Variants in YY1AP1 observed in about 807,000 individuals in gnomAD.
YY1AP1 encodes the protein YY1 associated protein 1, also known as YY1-associated protein 1.
A neutral mutation model predicts 39.9 loss-of-function variants in YY1AP1; 43 were observed. The observed-to-expected ratio is 1.08, with a 90% CI of 0.84 to 1.39. The LOEUF is 1.39. Ranked by LOEUF, YY1AP1 falls within the 40% of genes most tolerant of loss-of-function variation. The probability of loss-of-function intolerance (pLI) is 0.00; values close to 1 mark genes in which losing one functional copy is unlikely to be tolerated. For synonymous variants in YY1AP1, 292 were observed against 331.3 expected (o/e 0.88, Z 1.29); for missense variants, 813 against 900.7 (o/e 0.90, Z 1.25).
intron 5 of YY1AP1, among the ~76,000 whole-genome samples, chr1:155,675,358 C>CTTTTGG (rs1650493961): frequency 1.3e-5 from 2 of 151,782 alleles, no homozygotes; most frequent in African/African-American, 4.8e-5. Flanking sequence ...GACAGAGTCT[C>CTTTTGG]GCACTGACTT....
intron 9 of YY1AP1, among the ~76,000 whole-genome samples, chr1:155,668,325 A>C (rs1339992322): frequency 1.3e-5 from 2 of 152,154 alleles, no homozygotes; most frequent in Non-Finnish European, 2.9e-5. Context: ...AAAACAAAAC[A>C]AAACAAAAAC....
chr1:155,665,390 G>A (rs1482096112), intron 9 of YY1AP1, among the ~76,000 whole-genome samples: 4 of 151,600 alleles, frequency 2.6e-5, no homozygotes, highest in Non-Finnish European at 5.9e-5. Flanking sequence ...AAGAGGTCAG[G>A]AGATCAAAAC....
intron 2 of YY1AP1, 65 bp downstream of exon 2, chr1:155,688,006 A>G: frequency 3.4e-6 from 5 of 1,490,934 alleles, no homozygotes; most frequent in Non-Finnish European, 4.5e-6. Flanking sequence ...GCTCCCAGAA[A>G]GCCCAGGATT....
intron 4 of YY1AP1, chr1:155,679,100 A>G (rs490912): frequency 2.2e-5 from 28 of 1,275,520 alleles, no homozygotes; most frequent in African/African-American, 7.6e-5. Flanking sequence ...ATTACAATAT[A>G]GGGTAGTTTG....
At chr1:155,680,522 T>C in intron 2 of YY1AP1, 66 bp from the exon 3 acceptor site, 1 of 1,351,848 alleles carries the variant, frequency 7.4e-7, no homozygotes, top group Non-Finnish European at 1.1e-6. Context: ...GAATTCCATG[T>C]AGACAATGTA....
Position 155,660,012 on chromosome 1 carries a change from T to C in YY1AP1, c.1898A>G (p.Asp633Gly). 1 of 1,614,188 alleles carries C rather than the reference T, an allele frequency of 6.2e-7. No individual in the cohort carries two copies. Among genetic ancestry groups the C allele is most frequent in the South Asian group, 1.1e-5 (1 of 91,080 alleles). Residue 633 changes from aspartate to glycine, a missense_variant, in exon 11 of 11, where the codon GAT becomes GGT. Physicochemically the swap from Asp to Gly is moderately conservative, Grantham distance 94. Transcript: ENST00000355499. ...AATGTCCACATTCATGTGGGCCTTATCTTCAGGGGTGGATGGTATAGGAAG... is the reference window on the plus strand; with the variant it reads ...AATGTCCACATTCATGTGGGCCTTACCTTCAGGGGTGGATGGTATAGGAAG... ...VNLPIPSTPE[D>G]KAHMNVDIAC...
rs372439408 is a variant in YY1AP1 at position 155,661,380 on chromosome 1, C to T, written c.923G>A (p.Cys308Tyr). ...CCACTGATGTGGCTGGATCTCTTCACAGCATTTTCCTAGGACTGGCAGCTG... is the reference window on the plus strand; with the variant it reads ...CCACTGATGTGGCTGGATCTCTTCATAGCATTTTCCTAGGACTGGCAGCTG... ...TKQLPVLGKCCEEIQPHQWKP... is the reference protein window; with the variant it reads ...TKQLPVLGKCYEEIQPHQWKP... Residue 308 changes from cysteine (C) to tyrosine (Y), a missense_variant, in exon 10 of 11, where the codon TGT (cysteine) becomes TAT (tyrosine). Physicochemically the swap from Cys to Tyr is radical, Grantham distance 194. Coordinates refer to ENST00000355499, the MANE Select transcript of YY1AP1 (RefSeq NM_139119.3). 1 of 1,613,870 alleles carries T rather than the reference C, an allele frequency of 6.2e-7. No individual in the cohort carries two copies. Among genetic ancestry groups the T allele is most frequent in the Non-Finnish European group, 8.5e-7 (1 of 1,179,814 alleles).
At position 155,660,554 on chromosome 1, in the gene YY1AP1, G is replaced by A. The variant is rs1246818417; in HGVS notation, c.1356C>T (p.His452=). 6.2e-7 allele frequency: 1 copy of A among 1,614,190 alleles called. No individual in the cohort carries two copies. Among genetic ancestry groups the A allele is most frequent in the Admixed American group, 1.7e-5 (1 of 60,030 alleles). The change falls in exon 11 of 11, where the codon CAC becomes CAT. Residue 452 remains histidine (H), a synonymous_variant. Transcript: ENST00000355499. ...PPSKMVLRIP[H]PIQPATVLQT... ...GTAAAACAGTGGCTGGCTGTATTGG[G>A]TGAGGAATCCGGAGCACCATTTTGC...
rs753240170 is a variant in YY1AP1 at position 155,688,108 on chromosome 1, T to C, written c.-58A>G. On this transcript the variant is annotated 5_prime_UTR_variant, in exon 2 of 11. Transcript: ENST00000355499. ...CGAGAGCGATGAGAGTACAGGGAAG[T>C]GAGGAAGAGGGGGTGGCCGCCAGGC... 4 of 1,609,246 alleles carry C rather than the reference T, an allele frequency of 2.5e-6. No individual in the cohort carries two copies. In the South Asian group the frequency reaches 3.3e-5, roughly 13 times the overall value.
At chr1:155,679,641 C>G in intron 3 of YY1AP1, 129 bp from the exon 4 acceptor site, 1 of 1,541,448 alleles carries the variant, frequency 6.5e-7, no homozygotes, top group Non-Finnish European at 8.8e-7. Context: ...GAGCCTACAT[C>G]AGAACCTTTC....
At chr1:155,667,401 G>A (rs893659345) in intron 9 of YY1AP1, among the ~76,000 whole-genome samples, 17 of 152,022 alleles carry the variant, frequency 1.1e-4, no homozygotes, top group African/African-American at 4.1e-4. Context: ...CTACTTGGAA[G>A]GCTGAAGTGG....
chr1:155,665,139 C>T (rs1648768936), intron 9 of YY1AP1, among the ~76,000 whole-genome samples: 1 of 151,882 alleles, frequency 6.6e-6, no homozygotes, highest in South Asian at 2.1e-4. Flanking sequence ...GGAATGGGGC[C>T]ATGCAGGGTG....
chr1:155,673,245 G>A (rs1650118317), intron 6 of YY1AP1, among the ~76,000 whole-genome samples: 1 of 152,012 alleles, frequency 6.6e-6, no homozygotes, highest in Admixed American at 6.6e-5. Flanking sequence ...CGAACTCCTG[G>A]GCTCACAATC....
At chr1:155,664,089 G>A (rs1416455025) in intron 9 of YY1AP1, among the ~76,000 whole-genome samples, 4 of 149,568 alleles carry the variant, frequency 2.7e-5, no homozygotes, top group East Asian at 2.0e-4. Context: ...ATTTAGCCAC[G>A]CTCCAAACTG....
chr1:155,679,144 C>A (rs1651149638), intron 4 of YY1AP1: 1 of 1,406,538 alleles, frequency 7.1e-7, no homozygotes. Context: ...ACATACCTCT[C>A]CAGCACCACT....
Position 155,660,353 on chromosome 1 carries a change from G to T in YY1AP1, c.1557C>A (p.Ser519=), listed in dbSNP as rs202142609. 3 of 1,614,170 alleles carry T rather than the reference G, an allele frequency of 1.9e-6. No homozygotes were observed. Among genetic ancestry groups the T allele is most frequent in the Non-Finnish European group, 1.7e-6 (2 of 1,180,028 alleles). The part of the protein sequence containing the change: ...PKVMMPSPAS[S]MFRKPYVRRR... ...GTCTCACATATGGCTTTCGAAACAT[G>T]GAAGAGGCAGGGGAGGGCATCATTA... is the stretch of plus-strand genomic sequence containing the variant. The change falls in exon 11 of 11, where the codon TCC becomes TCA. Residue 519 remains serine, a synonymous_variant. Coordinates refer to ENST00000355499, the MANE Select transcript of YY1AP1 (RefSeq NM_139119.3).
At chr1:155,681,811 G>A (rs964967079) in intron 2 of YY1AP1, among the ~76,000 whole-genome samples, 3 of 150,702 alleles carry the variant, frequency 2.0e-5, no homozygotes, top group African/African-American at 7.3e-5. Context: ...GATGTAACAC[G>A]TAAGGATAAA....
rs371723994 is a variant in YY1AP1 at position 155,660,917 on chromosome 1, T to C, written c.997-4A>G. The C allele has an allele frequency of 5.4e-5, 87 of 1,613,970 alleles. No individual in the cohort carries two copies. Among genetic ancestry groups the C allele is most frequent in the Non-Finnish European group, 7.1e-5 (84 of 1,180,052 alleles). On this transcript the variant is annotated splice_region_variant and splice_polypyrimidine_tract_variant and intron_variant, in intron 10 of 10. Transcript: ENST00000355499. ...CCTGGATGGATGGCAGACTGGCCTATTGGAAATGAGAACACTCTGATCCAG... is the reference window on the plus strand; with the variant it reads ...CCTGGATGGATGGCAGACTGGCCTACTGGAAATGAGAACACTCTGATCCAG...
Position 155,688,127 on chromosome 1 carries a change from G to T in YY1AP1, c.-77C>A. On this transcript the variant is annotated 5_prime_UTR_variant, in exon 2 of 11. Coordinates refer to ENST00000355499, the MANE Select transcript of YY1AP1 (RefSeq NM_139119.3). ...GGGAAGTGAGGAAGAGGGGGTGGCCGCCAGGCTCCTCCGCTTCCCTGGGTC... is the reference window on the plus strand; with the variant it reads ...GGGAAGTGAGGAAGAGGGGGTGGCCTCCAGGCTCCTCCGCTTCCCTGGGTC... 1 of 1,612,002 alleles carries T rather than the reference G, an allele frequency of 6.2e-7. No individual in the cohort carries two copies. Among genetic ancestry groups the T allele is most frequent in the Non-Finnish European group, 8.5e-7 (1 of 1,178,594 alleles).
Sources: allele counts gnomAD v4.1 joint callset (sites outside exome capture counted in the v4.1 genomes callset), GRCh38; gene constraint gnomAD v4.1.1; transcripts MANE v1.5; gene names NCBI Gene and HGNC (gene_info 2026-07-23, HGNC 2026-07-21).